AGMO: variants seen among roughly 807,000 people sequenced by gnomAD.
AGMO encodes the protein glyceryl-ether monooxygenase.
AGMO carries 75 observed loss-of-function variants against 60.2 expected under a neutral mutation model. The ratio of observed to expected loss-of-function variants is 1.25; its 90% CI spans 1.03 to 1.51. The LOEUF is 1.51. Among genes scored for constraint, AGMO ranks in the 40% most tolerant of loss-of-function variants. AGMO has a pLI of 0.00. For synonymous variants in AGMO, 261 were observed against 177.1 expected (o/e 1.47, Z -3.76); for missense variants, 763 against 525.5 (o/e 1.45, Z -4.42).
chr7:15,327,143 C>T (rs1781363063), intron 12 of AGMO, among the ~76,000 whole-genome samples: 2 of 152,250 alleles, frequency 1.3e-5, no homozygotes, highest in African/African-American at 4.8e-5. Context: ...TAATTACGTT[C>T]CCAGAACAGG....
At chr7:15,278,980 T>C (rs539119841) in intron 12 of AGMO, among the ~76,000 whole-genome samples, 1 of 152,224 alleles carries the variant, frequency 6.6e-6, no homozygotes, top group South Asian at 2.1e-4. Flanking sequence ...TGGATGGCTG[T>C]GGTAGTTGTC....
At chr7:15,229,370 AG>A (rs1782183875) in intron 12 of AGMO, among the ~76,000 whole-genome samples, 1 of 152,002 alleles carries the variant, frequency 6.6e-6, no homozygotes, top group South Asian at 2.1e-4. Context: ...GTGGATTCTA[AG>A]GGTTCGAATA....
At chr7:15,378,812 A>G (rs548883796) in intron 10 of AGMO, among the ~76,000 whole-genome samples, 2 of 152,066 alleles carry the variant, frequency 1.3e-5, no homozygotes, top group Non-Finnish European at 1.5e-5. Context: ...CAGAATTTAC[A>G]TTCTTCTCAT....
At chr7:15,208,590 T>C (rs780603321) in intron 12 of AGMO, among the ~76,000 whole-genome samples, 1 of 152,182 alleles carries the variant, frequency 6.6e-6, no homozygotes, top group African/African-American at 2.4e-5. Context: ...CTGAGATTTT[T>C]TATGCATTAA....
intron 12 of AGMO, among the ~76,000 whole-genome samples, chr7:15,315,581 C>A (rs1053690415): frequency 6.6e-6 from 1 of 151,844 alleles, no homozygotes; most frequent in African/African-American, 2.4e-5. Context: ...TGTGATCTGC[C>A]CACCTAGGCC....
At chr7:15,434,613 C>G (rs761586367) in intron 3 of AGMO, among the ~76,000 whole-genome samples, 2 of 152,092 alleles carry the variant, frequency 1.3e-5, no homozygotes, top group South Asian at 2.1e-4. Context: ...ATTCTGCCAA[C>G]AACCATGTAA....
intron 12 of AGMO, among the ~76,000 whole-genome samples, chr7:15,288,587 C>A (rs2128521193): frequency 6.6e-6 from 1 of 151,996 alleles, no homozygotes; most frequent in African/African-American, 2.4e-5. Flanking sequence ...CTAAAGAATT[C>A]AGACATGAAA....
At chr7:15,443,425 T>C (rs1202530830) in intron 3 of AGMO, among the ~76,000 whole-genome samples, 2 of 152,158 alleles carry the variant, frequency 1.3e-5, no homozygotes. Flanking sequence ...CCAAGGGAAC[T>C]TTTCTTGTTT....
At chr7:15,147,629 C>A in the AGMO span, among the ~76,000 whole-genome samples, 1 of 152,018 alleles carries the variant, frequency 6.6e-6, no homozygotes, top group Non-Finnish European at 1.5e-5. Context: ...ATTTCCTTGG[C>A]CAGAACTTAA....
chr7:15,387,322 G>A, intron 9 of AGMO, 84 bp downstream of exon 9: 2 of 1,452,760 alleles, frequency 1.4e-6, no homozygotes, highest in East Asian at 2.3e-5. Context: ...AGATTTGCAT[G>A]AAAACAGCGT....
chr7:15,275,282 T>C (rs1783747101), intron 12 of AGMO, among the ~76,000 whole-genome samples: 1 of 152,166 alleles, frequency 6.6e-6, no homozygotes, highest in Admixed American at 6.5e-5. Context: ...TGAATTCTGC[T>C]TTAGTTTCTT....
chr7:15,323,490 A>C (rs1010619346), intron 12 of AGMO, among the ~76,000 whole-genome samples: 1 of 152,174 alleles, frequency 6.6e-6, no homozygotes, highest in Non-Finnish European at 1.5e-5. Context: ...AGATGGTAGG[A>C]GGGATATTGT....
chr7:15,345,883 A>ATT (rs147407572), intron 12 of AGMO, among the ~76,000 whole-genome samples: 5 of 151,552 alleles, frequency 3.3e-5, no homozygotes, highest in South Asian at 2.1e-4. Flanking sequence ...TTGGTACTTA[A>ATT]TTTTTTTTTG....
At chr7:15,439,901 C>A (rs1294444583) in intron 3 of AGMO, among the ~76,000 whole-genome samples, 4 of 152,158 alleles carry the variant, frequency 2.6e-5, no homozygotes, top group African/African-American at 9.7e-5. Flanking sequence ...GACCCCCCGA[C>A]CCTGTCTCTT....
In AGMO at chr7:15,358,414, A is replaced by AT. The variant is rs1268092387; in HGVS notation, c.1263+7099dup. On this transcript the variant is annotated intron_variant, in intron 12 of 12. Coordinates refer to ENST00000342526, the MANE Select transcript of AGMO (RefSeq NM_001004320.2). Reference sequence around the variant, plus strand: ...GATAATAAGAAGGCATAATAATTAGATTGCAGAGTTGGAAGACAAGTAGGG... The same window carrying AT: ...GATAATAAGAAGGCATAATAATTAGATTTGCAGAGTTGGAAGACAAGTAGGG... The AT allele has an allele frequency of 6.4e-6, 3 of 471,286 alleles. No individual in the cohort carries two copies. In the East Asian group the frequency reaches 2.1e-4, roughly 33 times the overall value. The allele number at this position is 471,286 out of a possible 1,614,324, so 29.2% of individuals were successfully genotyped here.
chr7:15,426,802 T>C (rs1254634170), intron 4 of AGMO, among the ~76,000 whole-genome samples: 2 of 151,974 alleles, frequency 1.3e-5, no homozygotes, highest in Admixed American at 1.3e-4. Flanking sequence ...GGGAAAATAA[T>C]TTTCCAGGCA....
At chr7:15,286,937 AG>A (rs1332223696) in intron 12 of AGMO, among the ~76,000 whole-genome samples, 1 of 152,132 alleles carries the variant, frequency 6.6e-6, no homozygotes, top group South Asian at 2.1e-4. Context: ...ACTTGGATGG[AG>A]CTGGAGGCCA....
chr7:15,411,012 T>A (rs1164132825), intron 5 of AGMO, among the ~76,000 whole-genome samples: 1 of 152,042 alleles, frequency 6.6e-6, no homozygotes, highest in South Asian at 2.1e-4. Context: ...ATCTTTAAGA[T>A]GTGATTAGGT....
At chr7:15,123,473 AC>A in the AGMO span, among the ~76,000 whole-genome samples, 1 of 152,092 alleles carries the variant, frequency 6.6e-6, no homozygotes, top group African/African-American at 2.4e-5. Flanking sequence ...AAAAAAATGA[AC>A]AAAAAACAAA....
Sources: gnomAD v4.1 joint callset for allele counts (sites outside exome capture counted in the v4.1 genomes callset) on GRCh38, gnomAD v4.1.1 for gene constraint, MANE v1.5 for transcripts, NCBI Gene and HGNC (gene_info 2026-07-23, HGNC 2026-07-21) for gene names.